The following RALA variants were observed in gnomAD, a reference collection of about 807,000 sequenced individuals.
RALA encodes the protein RAS like proto-oncogene A.
A neutral mutation model predicts 24.0 loss-of-function variants in RALA; 5 were observed. The observed-to-expected ratio is 0.21, with a 90% confidence interval of 0.11 to 0.44. The LOEUF is 0.44. RALA is among the 20% of genes least tolerant of loss of function. The pLI is 0.99. For missense variants in RALA, 95 were observed against 241.2 expected (o/e 0.39, Z 4.01); for synonymous variants, 77 against 83.8 (o/e 0.92, Z 0.44).
At chr7:39,670,896 A>C (rs1365392703) in intron 1 of RALA, among the ~76,000 whole-genome samples, 1 of 151,896 alleles carries the variant, frequency 6.6e-6, no homozygotes, top group Non-Finnish European at 1.5e-5. Flanking sequence ...ATTGATTTCC[A>C]TCATTTCCTT....
intron 1 of RALA, among the ~76,000 whole-genome samples, chr7:39,680,405 A>AATATAT (rs10540439): frequency 2.0e-5 from 3 of 147,756 alleles, no homozygotes; most frequent in East Asian, 2.0e-4. Flanking sequence ...AAAAAACACA[A>AATATAT]ATATATATAT....
chr7:39,688,599 A>T (rs1263980566), intron 2 of RALA, among the ~76,000 whole-genome samples: 13 of 76,784 alleles, frequency 1.7e-4, no homozygotes, highest in Admixed American at 2.5e-4. Context: ...TTTTTTTTTT[A>T]AAGATAACGT....
intron 2 of RALA, among the ~76,000 whole-genome samples, chr7:39,689,693 G>C (rs1156717929): frequency 1.3e-5 from 2 of 152,176 alleles, no homozygotes; most frequent in Non-Finnish European, 2.9e-5. Flanking sequence ...AAGGCAGTAG[G>C]ATTATTTGAG....
chr7:39,629,378 T>A (rs1393395945), intron 1 of RALA, among the ~76,000 whole-genome samples: 1 of 152,218 alleles, frequency 6.6e-6, no homozygotes, highest in African/African-American at 2.4e-5. Flanking sequence ...TTTTAATATT[T>A]ATTTTTATTG....
intron 3 of RALA, among the ~76,000 whole-genome samples, chr7:39,695,105 C>T (rs1583756409): frequency 6.6e-6 from 1 of 151,568 alleles, no homozygotes; most frequent in East Asian, 1.9e-4. Context: ...GTGTACTTTG[C>T]TGATTTGCCA....
intron 4 of RALA, among the ~76,000 whole-genome samples, chr7:39,702,816 A>G (rs954109945): frequency 1.3e-5 from 2 of 152,232 alleles, no homozygotes; most frequent in South Asian, 4.1e-4. Context: ...AGTTGATCTC[A>G]TAGAAGTAAA....
At chr7:39,638,679 T>G (rs1423060695) in intron 1 of RALA, among the ~76,000 whole-genome samples, 1 of 152,172 alleles carries the variant, frequency 6.6e-6, no homozygotes, top group Non-Finnish European at 1.5e-5. Context: ...ACTCCTGGGC[T>G]CAAGCAGTCC....
At chr7:39,696,961 G>A (rs1232945484) in intron 4 of RALA, 102 bp downstream of exon 4, 40 of 1,131,518 alleles carry the variant, frequency 3.5e-5, no homozygotes, top group Non-Finnish European at 4.8e-5. Flanking sequence ...TCAAATAGAG[G>A]TTTAATCCTT....
At chr7:39,657,705 T>C (rs1792120305) in intron 1 of RALA, among the ~76,000 whole-genome samples, 1 of 152,050 alleles carries the variant, frequency 6.6e-6, no homozygotes, top group Non-Finnish European at 1.5e-5. Context: ...GAGGATTGCT[T>C]GAGCCCCGGA....
At chr7:39,699,121 ATTTTTTTTTTTTTTTTTTTTT>A (rs71560137) in intron 4 of RALA, among the ~76,000 whole-genome samples, 1 of 61,372 alleles carries the variant, frequency 1.6e-5, no homozygotes, top group Admixed American at 2.0e-4. Flanking sequence ...TAAAAATGTT[ATTTTTTTTTTTTTTTTTTTTT>A]TTTTTTTTTG....
chr7:39,641,006 C>A (rs1791805807), intron 1 of RALA, among the ~76,000 whole-genome samples: 1 of 152,156 alleles, frequency 6.6e-6, no homozygotes, highest in African/African-American at 2.4e-5. Flanking sequence ...TCAGCAGAGA[C>A]AGTCTTCCTC....
chr7:39,707,715 G>A lies in RALA; in HGVS notation c.*1470G>A, dbSNP rs923932448. Reference sequence around the variant, plus strand: ...TCAAAGATGTGTTCAGGCATTCCAGGTAACAGGTGTGTATGTAAAGTTAAA... The same window carrying A: ...TCAAAGATGTGTTCAGGCATTCCAGATAACAGGTGTGTATGTAAAGTTAAA... On this transcript the variant is annotated 3_prime_UTR_variant, in exon 5 of 5. Coordinates refer to ENST00000005257, the MANE Select transcript of RALA (RefSeq NM_005402.4). 3 of 152,500 alleles carry A rather than the reference G, an allele frequency of 2.0e-5. No individual in the cohort carries two copies. The highest frequency in any genetic ancestry group is 7.2e-5 in the African/African-American group (3 of 41,392). 9.4% of individuals were successfully genotyped at this position (152,500 alleles called of 1,614,324 possible).
At chr7:39,643,688 T>C (rs952455953) in intron 1 of RALA, among the ~76,000 whole-genome samples, 2 of 152,018 alleles carry the variant, frequency 1.3e-5, no homozygotes, top group Non-Finnish European at 2.9e-5. Flanking sequence ...AAACCCCGTC[T>C]CTACTAAAAA....
rs139368651 is a variant in RALA at position 39,635,958 on chromosome 7, A to G, written c.-38+12133A>G. Among the ~76,000 whole-genome samples, 446 of 152,320 alleles carry G rather than the reference A, an allele frequency of 2.9e-3. 5 individuals are homozygous for G. Among genetic ancestry groups the G allele is most frequent in the African/African-American group, 0.01 (427 of 41,560 alleles). On this transcript the variant is annotated intron_variant, in intron 1 of 4. Transcript: ENST00000005257. ...TTTTGGATTCCATAAATGGAGTCAT[A>G]CAATAGGTGGTCTTTTGTGTCTGGC...
At chr7:39,689,166 A>G (rs1425476643) in intron 2 of RALA, among the ~76,000 whole-genome samples, 2 of 152,154 alleles carry the variant, frequency 1.3e-5, no homozygotes, top group Non-Finnish European at 2.9e-5. Context: ...ACACAGAGCC[A>G]AACCATATCA....
chr7:39,674,633 G>A lies in RALA; in HGVS notation c.-37-11998G>A, dbSNP rs564092574. ...TCCCTGTGCTCTGAGACATTAAATA[G>A]TACAGATTGAGTATCCTTTATCCTA... is the stretch of plus-strand genomic sequence containing the variant. On this transcript the variant is annotated intron_variant, in intron 1 of 4. Transcript: ENST00000005257. Among the ~76,000 whole-genome samples, 139 of 152,260 alleles carry A rather than the reference G, an allele frequency of 9.1e-4. 1 individual carries two copies. Among genetic ancestry groups the A allele is most frequent in the African/African-American group, 3.3e-3 (136 of 41,552 alleles).
chr7:39,648,671 GTGA>G (rs1791970234), intron 1 of RALA, among the ~76,000 whole-genome samples: 1 of 152,130 alleles, frequency 6.6e-6, no homozygotes, highest in African/African-American at 2.4e-5. Context: ...TTTATTCCCA[GTGA>G]TATGAGAAGT....
chr7:39,702,764 T>G (rs1793050590), intron 4 of RALA, among the ~76,000 whole-genome samples: 1 of 152,350 alleles, frequency 6.6e-6, no homozygotes. Flanking sequence ...AACAGGCAGT[T>G]AAACACTGCA....
At chr7:39,699,457 A>G (rs1383270834) in intron 4 of RALA, among the ~76,000 whole-genome samples, 1 of 152,216 alleles carries the variant, frequency 6.6e-6, no homozygotes, top group East Asian at 1.9e-4. Context: ...GTTATTATAC[A>G]GAACAAATTA....
Sources: gnomAD v4.1 joint callset for allele counts (sites outside exome capture counted in the v4.1 genomes callset) on GRCh38, gnomAD v4.1.1 for gene constraint, MANE v1.5 for transcripts, NCBI Gene and HGNC (gene_info 2026-07-23, HGNC 2026-07-21) for gene names.